The following FLI1 variants were observed in gnomAD, a reference collection of about 807,000 sequenced individuals.
The protein encoded by FLI1 is Friend leukemia integration 1 transcription factor.
Under a neutral mutation model 53.1 loss-of-function variants are expected in FLI1, and 13 were observed. The ratio of observed to expected loss-of-function variants is 0.24; its 90% CI spans 0.16 to 0.39. FLI1 has a LOEUF of 0.39. Ranked by LOEUF, FLI1 falls within the 10% of genes least tolerant of loss-of-function variation. FLI1 has a pLI of 1.00. For missense variants in FLI1, 424 were observed against 600.5 expected (o/e 0.71, Z 3.07); for synonymous variants, 244 against 236.7 (o/e 1.03, Z -0.28).
intron 5 of FLI1, among the ~76,000 whole-genome samples, chr11:128,790,271 G>A (rs35476900): frequency 0.15 from 19,115 of 128,338 alleles, 1,608 homozygotes; most frequent in Non-Finnish European, 0.19. Flanking sequence ...TTTTTTCCAC[G>A]AGAGAGAGAT....
chr11:128,753,997 G>T (rs1171440511), intron 1 of FLI1, among the ~76,000 whole-genome samples: 1 of 152,104 alleles, frequency 6.6e-6, no homozygotes, highest in Non-Finnish European at 1.5e-5. Context: ...CTTTCACTTG[G>T]GTCTCAAATC....
chr11:128,720,778 C>T (rs1427194947), intron 1 of FLI1, among the ~76,000 whole-genome samples: 4 of 152,234 alleles, frequency 2.6e-5, no homozygotes, highest in Non-Finnish European at 5.9e-5. Flanking sequence ...TCCCGCGTCT[C>T]CAAGCAGCTG....
In FLI1 at chr11:128,792,658, G is replaced by A. The variant is rs759730155; in HGVS notation, c.655+10635G>A. On this transcript the variant is annotated intron_variant, in intron 5 of 8. Coordinates refer to ENST00000527786, the MANE Select transcript of FLI1 (RefSeq NM_002017.5). The stretch of plus-strand genomic sequence containing the variant: ...CGTATAGGAAGCATCATTTGTGGTG[G>A]TTTCACAGATTTTTTTTCATTGTTA... Among the ~76,000 whole-genome samples the A allele has an allele frequency of 7.6e-4, 103 of 134,692 alleles. 1 individual carries two copies. The highest frequency in any genetic ancestry group is 1.1e-3 in the Non-Finnish European group (70 of 64,096). The allele number at this position is 134,692 out of a possible 152,430, so 88.4% of individuals were successfully genotyped here. A position where few individuals can be genotyped will look rare whatever the true frequency, so the allele number is the denominator to read the frequency against.
rs1940159204 is a variant in FLI1, at chr11:128,741,970, A to C, written c.19-16145A>C. On this transcript the variant is annotated intron_variant, in intron 1 of 8. Coordinates refer to ENST00000527786, the MANE Select transcript of FLI1 (RefSeq NM_002017.5). ...CATTTGTAAATGCCATGTGCTTTCC[A>C]GAATGCTTTTGAGGACCTTATTGTT... 2.0e-5 allele frequency among the ~76,000 whole-genome samples: 3 copies of C among 152,190 alleles called. No individual in the cohort carries two copies. In the South Asian group the frequency reaches 6.2e-4, roughly 32 times the overall value.
At chr11:128,764,428 G>C (rs139222787) in intron 2 of FLI1, among the ~76,000 whole-genome samples, 17 of 152,330 alleles carry the variant, frequency 1.1e-4, no homozygotes, top group African/African-American at 3.6e-4. Context: ...GATGTGCTGA[G>C]TTATTACACC....
chr11:128,764,633 A>T, intron 2 of FLI1: 1 of 1,530,596 alleles, frequency 6.5e-7, no homozygotes, highest in Non-Finnish European at 8.7e-7. Flanking sequence ...TCTTGTTTTC[A>T]TCAAGCCTTC....
At chr11:128,727,413 G>T (rs1177942976) in intron 1 of FLI1, among the ~76,000 whole-genome samples, 1 of 152,240 alleles carries the variant, frequency 6.6e-6, no homozygotes, top group Non-Finnish European at 1.5e-5. Flanking sequence ...TCCTCAAGAG[G>T]AAGAGTGTAA....
intron 5 of FLI1, among the ~76,000 whole-genome samples, chr11:128,787,222 G>A (rs1272349278): frequency 6.6e-6 from 1 of 152,180 alleles, no homozygotes; most frequent in Non-Finnish European, 1.5e-5. Flanking sequence ...GGTTTGCCAA[G>A]CACGTTCCTA....
chr11:128,721,238 A>G (rs377595713), intron 1 of FLI1, among the ~76,000 whole-genome samples: 1 of 152,134 alleles, frequency 6.6e-6, no homozygotes, highest in African/African-American at 2.4e-5. Flanking sequence ...CTTGATTCAC[A>G]TGGTGCCATC....
In FLI1 at chr11:128,768,189, A is replaced by G. The variant is rs1292162184; in HGVS notation, c.302A>G (p.Asn101Ser). Reference sequence around the variant, plus strand: ...GGCGGAGGCGAGTCCAACCCCATGAACTACAACAGCTATATGGACGAGAAG... The same window carrying G: ...GGCGGAGGCGAGTCCAACCCCATGAGCTACAACAGCTATATGGACGAGAAG... Reference protein sequence around the residue: ...LVGGGESNPMNYNSYMDEKNG... With the variant: ...LVGGGESNPMSYNSYMDEKNG... Residue 101 changes from asparagine (N) to serine (S), a missense_variant, in exon 3 of 9, where the codon AAC (asparagine) becomes AGC (serine). Transcript: ENST00000527786. 9.9e-6 allele frequency: 16 copies of G among 1,613,748 alleles called. No individual in the cohort carries two copies. The highest frequency in any genetic ancestry group is 1.3e-5 in the Non-Finnish European group (15 of 1,179,854).
chr11:128,792,905 C>T (rs1161494054), intron 5 of FLI1, among the ~76,000 whole-genome samples: 1 of 151,914 alleles, frequency 6.6e-6, no homozygotes, highest in Non-Finnish European at 1.5e-5. Flanking sequence ...TCACTTGAGC[C>T]CAGGAGTTCA....
At chr11:128,689,790 C>T (rs1937663150), upstream of FLI1, among the ~76,000 whole-genome samples, 1 of 152,240 alleles carries the variant, frequency 6.6e-6, no homozygotes, top group African/African-American at 2.4e-5. Flanking sequence ...ATTGGACTCC[C>T]TCGGGGTTTC....
intron 1 of FLI1, among the ~76,000 whole-genome samples, chr11:128,730,955 G>C (rs762320916): frequency 2.6e-5 from 4 of 152,212 alleles, no homozygotes; most frequent in South Asian, 2.1e-4. Flanking sequence ...AAACCAAAAG[G>C]TGTAACATCC....
At chr11:128,808,730 A>T (rs1039964330) in intron 7 of FLI1, among the ~76,000 whole-genome samples, 4 of 138,396 alleles carry the variant, frequency 2.9e-5, no homozygotes, top group African/African-American at 1.1e-4. Context: ...GCTACATTTA[A>T]AAAAAAAAAC....
chr11:128,760,518 T>G (rs1248650716), intron 2 of FLI1, among the ~76,000 whole-genome samples: 2 of 140,840 alleles, frequency 1.4e-5, no homozygotes, highest in African/African-American at 5.3e-5. Context: ...TGGTGGAGAT[T>G]CCTTTTTTTT....
chr11:128,746,374 T>C (rs1940389070), intron 1 of FLI1, among the ~76,000 whole-genome samples: 1 of 152,154 alleles, frequency 6.6e-6, no homozygotes, highest in South Asian at 2.1e-4. Context: ...CCATCCACAC[T>C]CTTTCCTCTC....
chr11:128,786,559 T>C (rs1942088806), intron 5 of FLI1, among the ~76,000 whole-genome samples: 1 of 152,192 alleles, frequency 6.6e-6, no homozygotes, highest in Admixed American at 6.5e-5. Context: ...TTTTCAAGTG[T>C]GTAAGAGTCC....
chr11:128,775,239 A>G (rs868695411), intron 4 of FLI1, among the ~76,000 whole-genome samples: 2 of 152,160 alleles, frequency 1.3e-5, no homozygotes, highest in African/African-American at 4.8e-5. Flanking sequence ...ATTGGGAAAC[A>G]CCATGAGAAG....
intron 2 of FLI1, among the ~76,000 whole-genome samples, chr11:128,762,457 T>A (rs949521306): frequency 2.0e-5 from 3 of 152,238 alleles, no homozygotes; most frequent in African/African-American, 7.2e-5. Context: ...AGTTGAAAAT[T>A]GAAATGTGCT....
Sources: allele counts gnomAD v4.1 joint callset (sites outside exome capture counted in the v4.1 genomes callset), GRCh38; gene constraint gnomAD v4.1.1; transcripts MANE v1.5; gene names NCBI Gene and HGNC (gene_info 2026-07-23, HGNC 2026-07-21).